ADAMTSL1: variants seen among roughly 807,000 people sequenced by gnomAD.
The protein encoded by ADAMTSL1 is ADAMTS-like protein 1.
A neutral mutation model predicts 201.8 loss-of-function variants in ADAMTSL1; 126 were observed. The ratio of observed to expected loss-of-function variants is 0.62; its 90% CI spans 0.54 to 0.72. The LOEUF (loss-of-function observed/expected upper bound fraction) is 0.72, where lower values mean the gene tolerates loss of function less well. Among genes scored for constraint, ADAMTSL1 ranks in the 30% least tolerant of loss-of-function variants. The probability of loss-of-function intolerance (pLI) is 0.00; values close to 1 mark genes in which losing one functional copy is unlikely to be tolerated. For synonymous variants in ADAMTSL1, 1,121 were observed against 903.4 expected (o/e 1.24, Z -4.32); for missense variants, 2,679 against 2,277.8 (o/e 1.18, Z -3.59).
At chr9:17,911,933 G>T (rs1307036060) in intron 1 of ADAMTSL1, among the ~76,000 whole-genome samples, 2 of 50,334 alleles carry the variant, frequency 4.0e-5, no homozygotes, top group Non-Finnish European at 1.3e-4. Flanking sequence ...AGAATATGCG[G>T]TGTTTGGTTT....
chr9:18,399,000 G>C (rs1288548539), intron 2 of ADAMTSL1, among the ~76,000 whole-genome samples: 2 of 151,796 alleles, frequency 1.3e-5, no homozygotes, highest in African/African-American at 4.8e-5. Flanking sequence ...GAAGTGTAAG[G>C]GTAGGGAAAT....
intron 20 of ADAMTSL1, among the ~76,000 whole-genome samples, chr9:18,810,625 G>A (rs975578322): frequency 3.3e-5 from 5 of 152,150 alleles, no homozygotes; most frequent in African/African-American, 1.2e-4. Context: ...TTAAGCTTGG[G>A]TTATATGAAT....
chr9:18,590,266 G>A (rs1377760720), intron 4 of ADAMTSL1, among the ~76,000 whole-genome samples: 1 of 152,002 alleles, frequency 6.6e-6, no homozygotes, highest in African/African-American at 2.4e-5. Flanking sequence ...ATGTGTCAAG[G>A]AGTTTATCCA....
At chr9:18,104,737 A>G (rs1219727066) in intron 1 of ADAMTSL1, among the ~76,000 whole-genome samples, 1 of 152,156 alleles carries the variant, frequency 6.6e-6, no homozygotes, top group Admixed American at 6.5e-5. Flanking sequence ...CCCTAAATCT[A>G]AACTAATTTA....
intron 23 of ADAMTSL1, among the ~76,000 whole-genome samples, chr9:18,836,954 A>T (rs181931935): frequency 6.6e-6 from 1 of 152,314 alleles, no homozygotes; most frequent in East Asian, 1.9e-4. Flanking sequence ...TTGTACATTG[A>T]TTCTGTATCC....
At chr9:18,029,635 C>T (rs1490360541) in intron 1 of ADAMTSL1, among the ~76,000 whole-genome samples, 12 of 151,626 alleles carry the variant, frequency 7.9e-5, no homozygotes, top group Middle Eastern at 3.4e-3. Flanking sequence ...AGAAAATTTT[C>T]GCAACCTACT....
intron 2 of ADAMTSL1, among the ~76,000 whole-genome samples, chr9:18,320,690 T>A (rs73643240): frequency 1.3e-5 from 2 of 152,156 alleles, no homozygotes; most frequent in Non-Finnish European, 2.9e-5. Context: ...ATGGGAAATA[T>A]ATTAAAATAT....
chr9:18,328,495 C>T (rs903838228), intron 2 of ADAMTSL1, among the ~76,000 whole-genome samples: 72 of 152,148 alleles, frequency 4.7e-4, no homozygotes, highest in African/African-American at 1.6e-3. Flanking sequence ...CTAATAACGT[C>T]ATAACATAAG....
chr9:18,522,030 C>T (rs1186290570), intron 2 of ADAMTSL1, among the ~76,000 whole-genome samples: 2 of 152,146 alleles, frequency 1.3e-5, no homozygotes, highest in African/African-American at 2.4e-5. Flanking sequence ...AAGAGCTTTA[C>T]ACACAGGGTC....
intron 23 of ADAMTSL1, among the ~76,000 whole-genome samples, chr9:18,843,410 A>C (rs2131330888): frequency 6.6e-6 from 1 of 151,010 alleles, no homozygotes; most frequent in Admixed American, 6.6e-5. Context: ...ATCCGCTGTT[A>C]GTCTGATGGG....
rs1341875388 is a variant in ADAMTSL1, at chr9:17,981,682, A to G, written c.87+74760A>G. Among the ~76,000 whole-genome samples, 5 of 152,172 alleles carry G rather than the reference A, an allele frequency of 3.3e-5. No individual in the cohort carries two copies. The East Asian group carries it at 9.6e-4, about 29-fold the overall frequency. On this transcript the variant is annotated intron_variant, in intron 1 of 29. Coordinates refer to the ADAMTSL1 transcript ENST00000680146. ...CTTATGGATTGAGGTTTTTTGGCCC[A>G]CTGAAGCTGCTTGCACTTGTGGTAT...
At chr9:18,758,394 G>A (rs554209811) in intron 16 of ADAMTSL1, among the ~76,000 whole-genome samples, 73 of 152,266 alleles carry the variant, frequency 4.8e-4, no homozygotes, top group African/African-American at 1.7e-3. Flanking sequence ...CCACAAACTT[G>A]GTGGCTTAAA....
chr9:18,424,878 G>A (rs769194894), intron 2 of ADAMTSL1, among the ~76,000 whole-genome samples: 7 of 152,086 alleles, frequency 4.6e-5, no homozygotes, highest in Non-Finnish European at 8.8e-5. Flanking sequence ...GTGGTTCATC[G>A]CAAAAGAGTA....
chr9:18,587,694 A>G (rs527834144), intron 4 of ADAMTSL1, among the ~76,000 whole-genome samples: 1 of 152,104 alleles, frequency 6.6e-6, no homozygotes, highest in South Asian at 2.1e-4. Context: ...TCTCAAACAG[A>G]TCCACTTTTT....
chr9:18,006,976 T>C (rs1819853885), intron 1 of ADAMTSL1, among the ~76,000 whole-genome samples: 2 of 152,030 alleles, frequency 1.3e-5, no homozygotes, highest in African/African-American at 4.8e-5. Flanking sequence ...TATTTGGATT[T>C]CATGGAAAAA....
At chr9:18,403,449 G>A (rs1563937481) in intron 2 of ADAMTSL1, among the ~76,000 whole-genome samples, 1 of 152,046 alleles carries the variant, frequency 6.6e-6, no homozygotes, top group Non-Finnish European at 1.5e-5. Flanking sequence ...CTCCCTAAGT[G>A]CTGGGATTAC....
intron 1 of ADAMTSL1, among the ~76,000 whole-genome samples, chr9:18,042,936 A>G (rs745929516): frequency 2.6e-4 from 39 of 152,142 alleles, no homozygotes; most frequent in Non-Finnish European, 1.3e-4. Flanking sequence ...TCACGGGGGA[A>G]CCTATGTAAA....
intron 2 of ADAMTSL1, among the ~76,000 whole-genome samples, chr9:18,241,334 T>G (rs1306830739): frequency 2.6e-5 from 4 of 152,168 alleles, no homozygotes; most frequent in African/African-American, 9.6e-5. Flanking sequence ...TCTTTGCTGT[T>G]GCCTCTGTAG....
At chr9:18,269,014 A>C (rs187135709) in intron 2 of ADAMTSL1, among the ~76,000 whole-genome samples, 2 of 152,138 alleles carry the variant, frequency 1.3e-5, no homozygotes, top group African/African-American at 4.8e-5. Context: ...ATAGTTTTGA[A>C]GTTCTATACA....
Sources: gnomAD v4.1 joint callset for allele counts (sites outside exome capture counted in the v4.1 genomes callset) on GRCh38, gnomAD v4.1.1 for gene constraint, MANE v1.5 for transcripts, NCBI Gene and HGNC (gene_info 2026-07-23, HGNC 2026-07-21) for gene names.